Variants in NECTIN3 observed in about 807,000 individuals in gnomAD.
The protein encoded by NECTIN3 is nectin-3.
NECTIN3 carries 8 observed loss-of-function variants against 49.4 expected under a neutral mutation model. That is an observed-to-expected ratio of 0.16 (90% CI 0.10 to 0.29). The LOEUF (loss-of-function observed/expected upper bound fraction) is 0.29, where lower values mean the gene tolerates loss of function less well. Ranked by LOEUF, NECTIN3 falls within the 10% of genes least tolerant of loss-of-function variation. The pLI is 1.00. For synonymous variants in NECTIN3, 277 were observed against 241.1 expected (o/e 1.15, Z -1.38); for missense variants, 581 against 654.6 (o/e 0.89, Z 1.23).
chr3:111,150,336 A>G (rs1033084727), intron 7 of NECTIN3, among the ~76,000 whole-genome samples: 7 of 151,978 alleles, frequency 4.6e-5, no homozygotes, highest in Admixed American at 1.3e-4. Flanking sequence ...CACAGTAGTT[A>G]TCTGTCAGAT....
chr3:111,098,265 G>T (rs1451562737), intron 1 of NECTIN3, among the ~76,000 whole-genome samples: 4 of 152,070 alleles, frequency 2.6e-5, no homozygotes, highest in Admixed American at 2.6e-4. Context: ...CAAATTTAGT[G>T]CAATACTCTC....
downstream of NECTIN3, among the ~76,000 whole-genome samples, chr3:111,139,805 A>T (rs1230396792): frequency 6.6e-6 from 1 of 151,786 alleles, no homozygotes; most frequent in African/African-American, 2.4e-5. Flanking sequence ...TACATGTGCT[A>T]CTACAGCAGT....
chr3:111,193,347 G>GTCTA, intron 1 of NECTIN3: 2 of 1,535,580 alleles, frequency 1.3e-6, no homozygotes, highest in South Asian at 1.2e-5. Context: ...CCCTAAGAGA[G>GTCTA]TCTACATCGA....
intron 2 of NECTIN3, among the ~76,000 whole-genome samples, chr3:111,112,716 C>A (rs1478202638): frequency 6.6e-6 from 1 of 151,966 alleles, no homozygotes; most frequent in Non-Finnish European, 1.5e-5. Flanking sequence ...AAATTACCAT[C>A]TTAAATTTTT....
intron 2 of NECTIN3, among the ~76,000 whole-genome samples, chr3:111,115,088 A>G (rs887882801): frequency 7.2e-5 from 11 of 152,176 alleles, no homozygotes; most frequent in Admixed American, 2.0e-4. Context: ...CATTGTAGAC[A>G]GCATCCGTGG....
At position 111,134,706 on chromosome 3, in the gene NECTIN3, A is replaced by G; in HGVS notation, c.*491A>G. 1 of 875,448 alleles carries G rather than the reference A, an allele frequency of 1.1e-6. No homozygotes were observed. The highest frequency in any genetic ancestry group is 1.4e-6 in the Non-Finnish European group (1 of 730,082). 54.2% of individuals were successfully genotyped at this position (875,448 alleles called of 1,614,324 possible). ...TATTTATATATATTTTTTAATATAC[A>G]AAAAATATTTAGCCTGATGGAATGG... On this transcript the variant is annotated 3_prime_UTR_variant, in exon 6 of 6. Coordinates refer to ENST00000485303, the MANE Select transcript of NECTIN3 (RefSeq NM_015480.3).
intron 7 of NECTIN3, among the ~76,000 whole-genome samples, chr3:111,177,747 G>A (rs1243186209): frequency 6.6e-6 from 1 of 152,174 alleles, no homozygotes; most frequent in East Asian, 1.9e-4. Context: ...TTGTGAAAAT[G>A]ACAGCATGGT....
intron 1 of NECTIN3, among the ~76,000 whole-genome samples, chr3:111,101,883 G>A (rs1001100210): frequency 1.3e-5 from 2 of 152,150 alleles, no homozygotes; most frequent in East Asian, 3.9e-4. Flanking sequence ...TTCGTTTCCA[G>A]CCTTATTTGT....
chr3:111,168,645 G>A (rs145302037), intron 7 of NECTIN3, among the ~76,000 whole-genome samples: 2 of 152,268 alleles, frequency 1.3e-5, no homozygotes, highest in Admixed American at 1.3e-4. Context: ...TGTTTGAGAA[G>A]GGCAGTGACA....
At chr3:111,130,817 C>G (rs1429897763) in intron 5 of NECTIN3, among the ~76,000 whole-genome samples, 1 of 152,050 alleles carries the variant, frequency 6.6e-6, no homozygotes, top group Non-Finnish European at 1.5e-5. Context: ...TTGACTAGTA[C>G]TTACTGACTA....
Position 111,137,321 on chromosome 3 carries a change from G to A in NECTIN3, c.*3106G>A, listed in dbSNP as rs1377773404. 3.1e-6 allele frequency: 3 copies of A among 972,418 alleles called. No homozygotes were observed. The African/African-American group carries it at 5.3e-5, about 17-fold the overall frequency. 60.2% of individuals were successfully genotyped at this position (972,418 alleles called of 1,614,324 possible). ...ATTGAATTGTCTTTCCTGTTTACTT[G>A]TTAATTAGAAAATGCATCCTTCATA... On this transcript the variant is annotated 3_prime_UTR_variant, in exon 6 of 6. Coordinates refer to ENST00000485303, the MANE Select transcript of NECTIN3 (RefSeq NM_015480.3).
intron 7 of NECTIN3, among the ~76,000 whole-genome samples, chr3:111,149,554 A>C (rs2034956611): frequency 6.9e-6 from 1 of 145,458 alleles, no homozygotes; most frequent in South Asian, 2.2e-4. Flanking sequence ...TGTTAGGTTT[A>C]CTTTAGGCAT....
At chr3:111,189,571 G>A (rs990501373), upstream of NECTIN3, among the ~76,000 whole-genome samples, 3 of 152,216 alleles carry the variant, frequency 2.0e-5, no homozygotes, top group South Asian at 6.2e-4. Flanking sequence ...GCAGCAGTGA[G>A]TGATGTGAAA....
intron 1 of NECTIN3, among the ~76,000 whole-genome samples, chr3:111,093,679 G>A (rs1176145292): frequency 6.6e-6 from 1 of 151,922 alleles, no homozygotes; most frequent in Non-Finnish European, 1.5e-5. Context: ...CAGGTGATCC[G>A]CCTGCCTGAG....
chr3:111,101,346 A>G (rs1448781210), intron 1 of NECTIN3, among the ~76,000 whole-genome samples: 2 of 152,164 alleles, frequency 1.3e-5, no homozygotes, highest in East Asian at 3.8e-4. Context: ...TGAAATTGCT[A>G]CTTAAAGATT....
intron 5 of NECTIN3, among the ~76,000 whole-genome samples, chr3:111,142,590 G>A (rs1262692581): frequency 6.6e-6 from 1 of 151,732 alleles, no homozygotes; most frequent in Non-Finnish European, 1.5e-5. Context: ...TAAAAATAGT[G>A]TCTATTTAAA....
At chr3:111,130,547 A>C (rs1043343219) in intron 5 of NECTIN3, among the ~76,000 whole-genome samples, 2 of 152,172 alleles carry the variant, frequency 1.3e-5, no homozygotes, top group African/African-American at 4.8e-5. Context: ...GTATTAAAAT[A>C]GATATTTAAA....
intron 7 of NECTIN3, among the ~76,000 whole-genome samples, chr3:111,175,367 A>G (rs1576180570): frequency 6.6e-6 from 1 of 151,396 alleles, no homozygotes; most frequent in South Asian, 2.1e-4. Flanking sequence ...TTGCCAGGCA[A>G]CCACCCTCTT....
intron 1 of NECTIN3, among the ~76,000 whole-genome samples, chr3:111,091,007 C>T (rs1287212969): frequency 6.6e-6 from 1 of 152,008 alleles, no homozygotes; most frequent in Non-Finnish European, 1.5e-5. Context: ...ATATAATTCA[C>T]ATACTTTACA....
Sources: gnomAD v4.1 joint callset for allele counts (sites outside exome capture counted in the v4.1 genomes callset) on GRCh38, gnomAD v4.1.1 for gene constraint, MANE v1.5 for transcripts, NCBI Gene and HGNC (gene_info 2026-07-23, HGNC 2026-07-21) for gene names.